Variants in NGRN observed in about 807,000 individuals in gnomAD.
The protein encoded by NGRN is neugrin.
NGRN carries 12 observed loss-of-function variants against 13.1 expected under a neutral mutation model. The observed-to-expected ratio is 0.92, with a 90% CI of 0.59 to 1.49. NGRN has a LOEUF of 1.49. NGRN is among the 40% of genes most tolerant of loss of function. The probability of loss-of-function intolerance (pLI) is 0.00; values close to 1 mark genes in which losing one functional copy is unlikely to be tolerated. For synonymous variants in NGRN, 149 were observed against 145.8 expected, an observed-to-expected ratio of 1.02 and a Z score of -0.16; for missense variants, 397 against 357.0, an observed-to-expected ratio of 1.11 and a Z score of -0.90.
chr15:90,271,100 C>T (rs1963494713), intron 2 of NGRN, 88 bp from the exon 3 acceptor site: 7 of 1,467,662 alleles, frequency 4.8e-6, no homozygotes, highest in Non-Finnish European at 6.5e-6. Flanking sequence ...CAGGCCTCAA[C>T]CCCTCTTCTT....
At position 90,271,561 on chromosome 15, in the gene NGRN, C is replaced by T. The variant is rs141815208; in HGVS notation, c.649C>T (p.Leu217=). The T allele has an allele frequency of 4.3e-6, 7 of 1,613,950 alleles. No homozygotes were observed. Among genetic ancestry groups the T allele is most frequent in the Non-Finnish European group, 5.9e-6 (7 of 1,180,022 alleles). ...GGGAAGAAATAAAGAAATCCAGGAC[C>T]TGGAGGAGAGCTTTGTGCCTGTTGC... ...RKGRNKEIQD[L]EESFVPVAAP... The change falls in exon 3 of 3, where the codon CTG becomes TTG. Residue 217 remains leucine (L), a synonymous_variant. Coordinates refer to ENST00000379095, the MANE Select transcript of NGRN (RefSeq NM_001033088.3).
Position 90,267,841 on chromosome 15 carries a change from G to A in NGRN, c.275+1443G>A, listed in dbSNP as rs143790818. ...ATGCATTTGCAATTTGATAAATATT[G>A]CTAAGTAGCCCTACATAGATTATGT... is the stretch of plus-strand genomic sequence containing the variant. On this transcript the variant is annotated intron_variant, in intron 2 of 2. Transcript: ENST00000379095. Among the ~76,000 whole-genome samples, 864 of 152,266 alleles carry A rather than the reference G, an allele frequency of 5.7e-3. 14 individuals carry two copies. Among genetic ancestry groups the A allele is most frequent in the African/African-American group, 0.02 (838 of 41,538 alleles).
chr15:90,266,099 C>A, intron 1 of NGRN, 189 bp from the exon 2 acceptor site: 1 of 1,436,010 alleles, frequency 7.0e-7, no homozygotes. Context: ...GTTCGGCATG[C>A]TTACAGGCAG....
intron 2 of NGRN, among the ~76,000 whole-genome samples, chr15:90,270,446 C>T (rs965423083): frequency 8.5e-5 from 13 of 152,304 alleles, no homozygotes; most frequent in Middle Eastern, 3.4e-3. Context: ...TCCTTTCAGA[C>T]CAACTCTAGC....
intron 2 of NGRN, among the ~76,000 whole-genome samples, chr15:90,266,980 A>T (rs746767800): frequency 6.6e-6 from 1 of 151,670 alleles, no homozygotes; most frequent in Non-Finnish European, 1.5e-5. Flanking sequence ...ACAGTATAAC[A>T]TGGTATACAC....
intron 2 of NGRN, among the ~76,000 whole-genome samples, chr15:90,270,331 A>G (rs1019222077): frequency 6.6e-6 from 1 of 152,216 alleles, no homozygotes; most frequent in Non-Finnish European, 1.5e-5. Context: ...GTTATTCCCA[A>G]CAAAGGTGAT....
intron 2 of NGRN, among the ~76,000 whole-genome samples, chr15:90,267,529 G>A (rs992654115): frequency 6.6e-6 from 1 of 152,092 alleles, no homozygotes; most frequent in African/African-American, 2.4e-5. Flanking sequence ...TGACAGAGAT[G>A]GGGGTCTCAC....
rs573087468 is a variant in NGRN at position 90,270,214 on chromosome 15, T to C, written c.276-974T>C. Among the ~76,000 whole-genome samples, 3 of 152,326 alleles carry C rather than the reference T, an allele frequency of 2.0e-5. No homozygotes were observed. In the East Asian group the frequency reaches 5.8e-4, roughly 29 times the overall value. ...TAGGTTGAACTTCAAAATGAAAATT[T>C]ATCTGTGGCATTCCACTGCTTAAAA... On this transcript the variant is annotated intron_variant, in intron 2 of 2. Coordinates refer to ENST00000379095, the MANE Select transcript of NGRN (RefSeq NM_001033088.3).
chr15:90,265,925 C>CG (rs1963408920), intron 1 of NGRN, 49 bp downstream of exon 1: 1 of 1,440,024 alleles, frequency 6.9e-7, no homozygotes, highest in Admixed American at 3.0e-5. Context: ...CCTCGTGCCC[C>CG]GGCGCTCCAG....
chr15:90,266,482 A>C, intron 2 of NGRN, 84 bp downstream of exon 2: 1 of 997,926 alleles, frequency 1.0e-6, no homozygotes, highest in Non-Finnish European at 1.5e-6. Flanking sequence ...GGCTTTTTTG[A>C]TACTGCTTTT....
intron 2 of NGRN, among the ~76,000 whole-genome samples, chr15:90,267,395 G>A (rs941164473): frequency 1.3e-5 from 2 of 152,050 alleles, no homozygotes; most frequent in Non-Finnish European, 1.5e-5. Context: ...GAGCCACTGC[G>A]CCTGGCCCTC....
intron 2 of NGRN, among the ~76,000 whole-genome samples, chr15:90,267,908 TTAAAA>T (rs1245843690): frequency 2.6e-5 from 4 of 152,230 alleles, no homozygotes; most frequent in African/African-American, 4.8e-5. Context: ...GAATTGAAAT[TTAAAA>T]TAAAGGGGAT....
intron 2 of NGRN, 47 bp downstream of exon 2, chr15:90,266,445 A>C (rs751887143): frequency 2.1e-6 from 3 of 1,454,730 alleles, no homozygotes; most frequent in Middle Eastern, 1.8e-4. Context: ...TGAGAAGTGA[A>C]GGATGCTGGA....
At chr15:90,268,950 C>G (rs1479821564) in intron 2 of NGRN, among the ~76,000 whole-genome samples, 1 of 49,342 alleles carries the variant, frequency 2.0e-5, no homozygotes, top group African/African-American at 6.4e-5. Context: ...TCTCCCACCC[C>G]CCCCCCCCCA....
At chr15:90,267,490 T>C (rs968644182) in intron 2 of NGRN, among the ~76,000 whole-genome samples, 2 of 152,170 alleles carry the variant, frequency 1.3e-5, no homozygotes, top group African/African-American at 4.8e-5. Flanking sequence ...AATTTTTATT[T>C]AAACAATTTT....
intron 1 of NGRN, 47 bp downstream of exon 1, chr15:90,265,923 C>T (rs745809492): frequency 1.6e-5 from 23 of 1,442,382 alleles, no homozygotes; most frequent in South Asian, 5.8e-5. Flanking sequence ...GGCCTCGTGC[C>T]CCGGCGCTCC....
chr15:90,269,162 A>ATTTTTTTTTTTTT (rs34266380), intron 2 of NGRN, among the ~76,000 whole-genome samples: 55 of 89,624 alleles, frequency 6.1e-4, no homozygotes, highest in African/African-American at 1.0e-3. Context: ...TACCTGGCTA[A>ATTTTTTTTTTTTT]TTTTTTTTTT....
intron 2 of NGRN, among the ~76,000 whole-genome samples, chr15:90,269,020 G>A (rs1292195566): frequency 3.7e-5 from 4 of 108,482 alleles, no homozygotes; most frequent in East Asian, 2.8e-4. Flanking sequence ...TTTTTGAGAC[G>A]GAGTCTCATT....
Position 90,271,369 on chromosome 15 carries a change from C to A in NGRN, c.457C>A (p.Leu153Ile). 1 of 1,614,076 alleles carries A rather than the reference C, an allele frequency of 6.2e-7. No individual in the cohort carries two copies. The highest frequency in any genetic ancestry group is 8.5e-7 in the Non-Finnish European group (1 of 1,180,034). The change falls in exon 3 of 3, where the codon CTC becomes ATC. Residue 153 changes from leucine to isoleucine, a missense_variant. Transcript: ENST00000379095. Reference sequence around the variant, plus strand: ...TGGGCTTGCCCACTCGCTGCAGCACCTCCGGGGCTCTGGAAATACCTCAAA... The same window carrying A: ...TGGGCTTGCCCACTCGCTGCAGCACATCCGGGGCTCTGGAAATACCTCAAA... Reference protein sequence around the residue: ...KAGLAHSLQHLRGSGNTSKLL... With the variant: ...KAGLAHSLQHIRGSGNTSKLL...
Sources: allele counts gnomAD v4.1 joint callset (sites outside exome capture counted in the v4.1 genomes callset), GRCh38; gene constraint gnomAD v4.1.1; transcripts MANE v1.5; gene names NCBI Gene and HGNC (gene_info 2026-07-23, HGNC 2026-07-21).